PACRG: variants seen among roughly 807,000 people sequenced by gnomAD.
The protein encoded by PACRG is parkin coregulated gene protein.
PACRG carries 29 observed loss-of-function variants against 29.7 expected under a neutral mutation model. That is an observed-to-expected ratio of 0.98 (90% CI 0.73 to 1.33). PACRG has a LOEUF of 1.33. Among genes scored for constraint, PACRG ranks in the 40% most tolerant of loss-of-function variants. The pLI, the probability that PACRG is intolerant of heterozygous loss-of-function variation, is 0.00. For synonymous variants in PACRG, 116 were observed against 118.7 expected, an observed-to-expected ratio of 0.98 and a Z score of 0.15; for missense variants, 279 against 316.2, an observed-to-expected ratio of 0.88 and a Z score of 0.89.
chr6:162,997,159 TCTTA>T (rs1305481854), intron 2 of PACRG, among the ~76,000 whole-genome samples: 1 of 152,236 alleles, frequency 6.6e-6, no homozygotes, highest in Non-Finnish European at 1.5e-5. Context: ...TAATCCATTT[TCTTA>T]CTTTTCTTCA....
At chr6:162,975,586 T>C (rs1348307310) in intron 2 of PACRG, among the ~76,000 whole-genome samples, 1 of 152,222 alleles carries the variant, frequency 6.6e-6, no homozygotes, top group Non-Finnish European at 1.5e-5. Context: ...ACAACACTTT[T>C]CACTGAAGAT....
intron 2 of PACRG, among the ~76,000 whole-genome samples, chr6:162,951,703 A>G (rs908373571): frequency 1.2e-4 from 18 of 152,298 alleles, no homozygotes; most frequent in Non-Finnish European, 2.5e-4. Flanking sequence ...TTAACGGTTT[A>G]TGTTTTAATT....
intron 2 of PACRG, among the ~76,000 whole-genome samples, chr6:162,844,206 G>A (rs36167355): frequency 0.012 from 1,857 of 151,456 alleles, 16 homozygotes; most frequent in Non-Finnish European, 0.015. Context: ...CCTCGCTGCC[G>A]CCTTGCAGTT....
intron 2 of PACRG, among the ~76,000 whole-genome samples, chr6:162,967,690 G>A (rs1801164034): frequency 6.6e-6 from 1 of 151,874 alleles, no homozygotes; most frequent in Non-Finnish European, 1.5e-5. Flanking sequence ...TGTATTTTTT[G>A]TAGAGACGGG....
chr6:162,771,101 A>G (rs1783182724), intron 1 of PACRG, among the ~76,000 whole-genome samples: 1 of 152,178 alleles, frequency 6.6e-6, no homozygotes, highest in Non-Finnish European at 1.5e-5. Flanking sequence ...CTCTGAAAGT[A>G]AGATTAGAAA....
chr6:162,994,503 T>G (rs770019749), intron 2 of PACRG, among the ~76,000 whole-genome samples: 93 of 152,014 alleles, frequency 6.1e-4, no homozygotes, highest in African/African-American at 1.9e-3. Flanking sequence ...CATCTTCCAT[T>G]GCTGATACCC....
rs955505624 is a variant in PACRG at position 162,879,379 on chromosome 6, G to A, written c.291+65098G>A. Among the ~76,000 whole-genome samples, 87 of 152,064 alleles carry A rather than the reference G, an allele frequency of 5.7e-4. 1 individual carries two copies. The highest frequency in any genetic ancestry group is 1.5e-5 in the Non-Finnish European group (1 of 68,010). ...CAGTTTTAAAAGTTAATTATCTATT[G>A]GGCAAAAAGTAACATTGCCACCATG... On this transcript the variant is annotated intron_variant, in intron 2 of 4. Transcript: ENST00000366888.
chr6:162,929,630 T>C (rs1028666126), intron 2 of PACRG, among the ~76,000 whole-genome samples: 1 of 151,902 alleles, frequency 6.6e-6, no homozygotes, highest in Non-Finnish European at 1.5e-5. Flanking sequence ...GCTTCTGAGG[T>C]CTTACACAAA....
chr6:163,011,913 T>G (rs968481221), intron 2 of PACRG, among the ~76,000 whole-genome samples: 1 of 152,192 alleles, frequency 6.6e-6, no homozygotes. Flanking sequence ...CTACCCCCAC[T>G]TCTTGTCCCA....
chr6:162,865,894 G>T (rs1462253821), intron 2 of PACRG, among the ~76,000 whole-genome samples: 1 of 152,044 alleles, frequency 6.6e-6, no homozygotes, highest in Non-Finnish European at 1.5e-5. Flanking sequence ...TAGTGCTAGG[G>T]TCAGTAAATA....
chr6:163,075,825 C>G (rs1249161618), intron 3 of PACRG, among the ~76,000 whole-genome samples: 1 of 152,268 alleles, frequency 6.6e-6, no homozygotes, highest in African/African-American at 2.4e-5. Flanking sequence ...GGGCTTAAAA[C>G]AATACATTAC....
At chr6:163,157,955 T>C (rs1275421186) in intron 4 of PACRG, among the ~76,000 whole-genome samples, 2 of 152,204 alleles carry the variant, frequency 1.3e-5, no homozygotes, top group African/African-American at 4.8e-5. Context: ...GACTTTTCTA[T>C]TAGGACCTAA....
intron 4 of PACRG, among the ~76,000 whole-genome samples, chr6:163,224,868 G>C (rs1053040250): frequency 6.6e-6 from 1 of 152,032 alleles, no homozygotes; most frequent in Non-Finnish European, 1.5e-5. Context: ...AAACTAAAAA[G>C]CTTCTGTACA....
chr6:162,890,184 C>T (rs961275973), intron 2 of PACRG, among the ~76,000 whole-genome samples: 2 of 152,240 alleles, frequency 1.3e-5, no homozygotes, highest in African/African-American at 4.8e-5. Context: ...AGTGATGAAC[C>T]CTTCCCATGG....
At chr6:162,813,024 T>C (rs1787013761) in intron 1 of PACRG, among the ~76,000 whole-genome samples, 1 of 152,042 alleles carries the variant, frequency 6.6e-6, no homozygotes, top group Non-Finnish European at 1.5e-5. Context: ...TAATAAGGTA[T>C]TTCTTAATAC....
At chr6:163,125,880 A>G (rs778227243) in intron 4 of PACRG, among the ~76,000 whole-genome samples, 4 of 152,246 alleles carry the variant, frequency 2.6e-5, no homozygotes, top group Admixed American at 6.5e-5. Flanking sequence ...TTTCTGAAAT[A>G]GTAAATATTT....
rs145601718 is a variant in PACRG, at chr6:163,063,457, T to C, written c.463+1136T>C. Among the ~76,000 whole-genome samples the C allele has an allele frequency of 9.9e-3, 1,515 of 152,332 alleles. 12 individuals carry two copies. Among genetic ancestry groups the C allele is most frequent in the Non-Finnish European group, 0.015 (1,021 of 68,026 alleles). ...CTGGCTCAGGTGAGCTCTTGCCGTGTGCTTTCATCAGAACAAGAACAAACT... is the reference window on the plus strand; with the variant it reads ...CTGGCTCAGGTGAGCTCTTGCCGTGCGCTTTCATCAGAACAAGAACAAACT... On this transcript the variant is annotated intron_variant, in intron 3 of 4. Coordinates refer to ENST00000366888, the MANE Select transcript of PACRG (RefSeq NM_001080379.2).
rs377178341 is a variant in PACRG, at chr6:162,814,147, G to A, written c.157G>A (p.Val53Met). 4.2e-5 allele frequency: 68 copies of A among 1,605,930 alleles called. 1 individual carries two copies. The highest frequency in any genetic ancestry group is 4.0e-4 in the East Asian group (18 of 44,664). The change falls in exon 2 of 5, where the codon GTG becomes ATG. Residue 53 changes from valine to methionine, a missense_variant and splice_region_variant. Coordinates refer to ENST00000366888, the MANE Select transcript of PACRG (RefSeq NM_001080379.2). Reference protein sequence around the residue: ...TVKAMMKNSVVRGPPAAGAFK... With the variant: ...TVKAMMKNSVMRGPPAAGAFK... ...CCCTATTTTTTTTTTTCCAATTAAGGTGAGAGGCCCTCCAGCTGCAGGGGC... is the reference window on the plus strand; with the variant it reads ...CCCTATTTTTTTTTTTCCAATTAAGATGAGAGGCCCTCCAGCTGCAGGGGC...
chr6:162,740,183 T>C (rs953323004), intron 1 of PACRG, among the ~76,000 whole-genome samples: 9 of 152,342 alleles, frequency 5.9e-5, no homozygotes, highest in Admixed American at 5.2e-4. Flanking sequence ...TTTGTTTATA[T>C]CCTAGTTGAC....
Sources: gnomAD v4.1 joint callset for allele counts (sites outside exome capture counted in the v4.1 genomes callset) on GRCh38, gnomAD v4.1.1 for gene constraint, MANE v1.5 for transcripts, NCBI Gene and HGNC (gene_info 2026-07-23, HGNC 2026-07-21) for gene names.